The following NCKAP5 variants were observed in gnomAD, a reference collection of about 807,000 sequenced individuals.
NCKAP5 encodes nck-associated protein 5.
NCKAP5 carries 92 observed loss-of-function variants against 167.0 expected under a neutral mutation model. That is an observed-to-expected ratio of 0.55 (90% CI 0.47 to 0.66). The LOEUF is 0.66. Ranked by LOEUF, NCKAP5 falls within the 30% of genes least tolerant of loss-of-function variation. The pLI, the probability that NCKAP5 is intolerant of heterozygous loss-of-function variation, is 0.00. For missense variants in NCKAP5, 2,378 were observed against 2,315.0 expected (o/e 1.03, Z -0.56); for synonymous variants, 891 against 877.4 (o/e 1.02, Z -0.27).
intron 3 of NCKAP5, among the ~76,000 whole-genome samples, chr2:133,410,722 GT>G (rs1688722552): frequency 6.6e-6 from 1 of 152,206 alleles, no homozygotes; most frequent in East Asian, 1.9e-4. Context: ...AATGAAGTAT[GT>G]TTTAATAAGT....
chr2:132,898,184 A>C (rs1304760852), intron 8 of NCKAP5, among the ~76,000 whole-genome samples: 1 of 152,212 alleles, frequency 6.6e-6, no homozygotes, highest in African/African-American at 2.4e-5. Flanking sequence ...CAGACTCTTC[A>C]CCAGGAGCAG....
In NCKAP5 at chr2:133,135,518, A is replaced by T. The variant is rs7573081; in HGVS notation, c.208-5407T>A. On this transcript the variant is annotated intron_variant, in intron 5 of 19. Coordinates refer to ENST00000409261, the MANE Select transcript of NCKAP5 (RefSeq NM_207363.3). Reference sequence around the variant, plus strand: ...AGGGCTTAATCAAGTGAGGAAGATGATTTCAGATTTGGCAAAGTTCATTCT... The same window carrying T: ...AGGGCTTAATCAAGTGAGGAAGATGTTTTCAGATTTGGCAAAGTTCATTCT... Among the ~76,000 whole-genome samples the T allele has an allele frequency of 4.1e-3, 630 of 152,274 alleles. 5 individuals are homozygous for T. The highest frequency in any genetic ancestry group is 0.015 in the African/African-American group (607 of 41,548).
At chr2:133,016,021 T>C (rs910155347) in intron 6 of NCKAP5, among the ~76,000 whole-genome samples, 7 of 149,172 alleles carry the variant, frequency 4.7e-5, no homozygotes, top group African/African-American at 1.5e-4. Flanking sequence ...CTGTGAGTAC[T>C]GGCATGGCTC....
In NCKAP5 at chr2:133,177,164, C is replaced by CTATATATATATATATATA. The variant is rs61395261; in HGVS notation, c.207+36534_207+36551dup. Among the ~76,000 whole-genome samples the CTATATATATATATATATA allele has an allele frequency of 3.3e-3, 463 of 138,518 alleles. 1 individual carries two copies. The highest frequency in any genetic ancestry group is 5.1e-3 in the African/African-American group (178 of 35,006). The allele number at this position is 138,518 out of a possible 152,430, so 90.9% of individuals were successfully genotyped here. A position where few individuals can be genotyped will look rare whatever the true frequency, so the allele number is the denominator to read the frequency against. ...TTAGCGACACAGGAGGTTTTGTTTT[C>CTATATATATATATATATA]TATATATATATATATATATATATAC... On this transcript the variant is annotated intron_variant, in intron 5 of 19. Transcript: ENST00000409261.
In NCKAP5 at chr2:133,093,582, C is replaced by T. The variant is rs201999933; in HGVS notation, c.341+36396G>A. Among the ~76,000 whole-genome samples the T allele has an allele frequency of 1.4e-4, 22 of 152,270 alleles. No individual in the cohort carries two copies. In the East Asian group the frequency reaches 1.7e-3, roughly 12 times the overall value. ...ACATCTAATGATGTCTACACAGAAC[C>T]GCTTCTCACTAGCACAGAAAAGTTA... On this transcript the variant is annotated intron_variant, in intron 6 of 19. Coordinates refer to ENST00000409261, the MANE Select transcript of NCKAP5 (RefSeq NM_207363.3).
chr2:133,023,984 A>G (rs2078614756), intron 6 of NCKAP5, among the ~76,000 whole-genome samples: 1 of 152,188 alleles, frequency 6.6e-6, no homozygotes, highest in African/African-American at 2.4e-5. Flanking sequence ...CATATATTCA[A>G]TATATAGCCT....
In NCKAP5 at chr2:133,081,182, CA is replaced by C. The variant is rs199688197; in HGVS notation, c.341+48795del. ...CCCTAAAATACATTTTTTACTTAAG[CA>C]AAAAAAAACTCTCATAAAGCAAATT... On this transcript the variant is annotated intron_variant, in intron 6 of 19. Coordinates refer to ENST00000409261, the MANE Select transcript of NCKAP5 (RefSeq NM_207363.3). Among the ~76,000 whole-genome samples, 31 of 150,754 alleles carry C rather than the reference CA, an allele frequency of 2.1e-4. No homozygotes were observed. In the South Asian group the frequency reaches 2.7e-3, roughly 13 times the overall value.
chr2:133,547,126 T>C lies in NCKAP5; in HGVS notation c.-62+11924A>G, dbSNP rs897770950. On this transcript the variant is annotated intron_variant, in intron 2 of 19. Coordinates refer to ENST00000409261, the MANE Select transcript of NCKAP5 (RefSeq NM_207363.3). Reference sequence around the variant, plus strand: ...CAAAGAAAGGGGTGACGGACGCACCTGGAAAATTGGGTCACTCCCACCCGA... The same window carrying C: ...CAAAGAAAGGGGTGACGGACGCACCCGGAAAATTGGGTCACTCCCACCCGA... Among the ~76,000 whole-genome samples the C allele has an allele frequency of 3.9e-5, 6 of 152,244 alleles. No individual in the cohort carries two copies. The South Asian group carries it at 1.2e-3, about 32-fold the overall frequency.
upstream of NCKAP5, among the ~76,000 whole-genome samples, chr2:133,572,601 T>C (rs1005949854): frequency 6.6e-6 from 1 of 152,198 alleles, no homozygotes; most frequent in Non-Finnish European, 1.5e-5. Context: ...ACTGAGCCTT[T>C]AGTAATGAGT....
chr2:132,853,470 C>A (rs1303076366), intron 11 of NCKAP5, among the ~76,000 whole-genome samples: 5 of 152,128 alleles, frequency 3.3e-5, no homozygotes, highest in Admixed American at 1.3e-4. Flanking sequence ...TATGTAAAGC[C>A]AGCCACATAG....
chr2:132,945,407 A>T (rs1293337035), intron 8 of NCKAP5, among the ~76,000 whole-genome samples: 1 of 152,136 alleles, frequency 6.6e-6, no homozygotes, highest in African/African-American at 2.4e-5. Context: ...CAGCAACGAA[A>T]TCATCTAGTT....
chr2:133,044,186 A>G (rs1430605469), intron 6 of NCKAP5, among the ~76,000 whole-genome samples: 1 of 152,218 alleles, frequency 6.6e-6, no homozygotes, highest in Non-Finnish European at 1.5e-5. Flanking sequence ...CTAAGGTTGT[A>G]AATATTCCTT....
At chr2:132,794,263 T>TAGAGAGAGAGAGAGAG (rs70973407) in intron 12 of NCKAP5, among the ~76,000 whole-genome samples, 8 of 11,916 alleles carry the variant, frequency 6.7e-4, no homozygotes, top group Non-Finnish European at 8.7e-4. Context: ...TATATATATA[T>TAGAGAGAGAGAGAGAG]AGAGAGAGAG....
At chr2:132,985,187 C>G (rs1223606134) in intron 7 of NCKAP5, among the ~76,000 whole-genome samples, 1 of 151,992 alleles carries the variant, frequency 6.6e-6, no homozygotes, top group African/African-American at 2.4e-5. Context: ...TGGTTAAGAA[C>G]TCGGTTCAGG....
chr2:133,475,900 G>T (rs1679840002), intron 3 of NCKAP5, among the ~76,000 whole-genome samples: 1 of 152,188 alleles, frequency 6.6e-6, no homozygotes, highest in African/African-American at 2.4e-5. Flanking sequence ...ATGGGAAAAG[G>T]TATGTGTCAA....
intron 16 of NCKAP5, among the ~76,000 whole-genome samples, chr2:132,752,794 T>C (rs1321758249): frequency 3.3e-5 from 5 of 152,168 alleles, no homozygotes; most frequent in African/African-American, 1.2e-4. Context: ...GCCAGCAAGC[T>C]GGAGACCCAG....
chr2:133,633,518 CT>C, the NCKAP5 span, among the ~76,000 whole-genome samples: 2 of 152,178 alleles, frequency 1.3e-5, no homozygotes, highest in Non-Finnish European at 2.9e-5. Context: ...ATGCAGCATC[CT>C]GAAGTCAGGC....
At chr2:132,716,360 CATCTGATTTGGT>C (rs371216394) in intron 19 of NCKAP5, among the ~76,000 whole-genome samples, 32 of 152,290 alleles carry the variant, frequency 2.1e-4, no homozygotes, top group Admixed American at 5.9e-4. Flanking sequence ...AGTGAAGCAG[CATCTGATTTGGT>C]GTTTATTTAT....
rs1480042570 is a variant in NCKAP5 at position 132,672,371 on chromosome 2, T to A, written c.*918A>T. ...TTCTGATACAATGTCACACTCCCAATCAGTGTCCACACTTCAGGACCCTTT... is the reference window on the plus strand; with the variant it reads ...TTCTGATACAATGTCACACTCCCAAACAGTGTCCACACTTCAGGACCCTTT... On this transcript the variant is annotated 3_prime_UTR_variant, in exon 20 of 20. Coordinates refer to ENST00000409261, the MANE Select transcript of NCKAP5 (RefSeq NM_207363.3). 1.3e-5 allele frequency: 2 copies of A among 152,268 alleles called. No individual in the cohort carries two copies. Among genetic ancestry groups the A allele is most frequent in the Admixed American group, 1.3e-4 (2 of 15,288 alleles). The allele number at this position is 152,268 out of a possible 1,614,324, so 9.4% of individuals were successfully genotyped here.
Sources: gnomAD v4.1 joint callset for allele counts (sites outside exome capture counted in the v4.1 genomes callset) on GRCh38, gnomAD v4.1.1 for gene constraint, MANE v1.5 for transcripts, NCBI Gene and HGNC (gene_info 2026-07-23, HGNC 2026-07-21) for gene names.